Variants in ZNF559 observed in about 807,000 individuals in gnomAD.
The protein encoded by ZNF559 is putative protein product of Nbla00121.
Under a neutral mutation model 14.2 loss-of-function variants are expected in ZNF559, and 17 were observed. The ratio of observed to expected loss-of-function variants is 1.20; its 90% CI spans 0.82 to 1.80. The LOEUF (loss-of-function observed/expected upper bound fraction) is 1.80, where lower values mean the gene tolerates loss of function less well. ZNF559 is among the 40% of genes most tolerant of loss of function. The pLI, the probability that ZNF559 is intolerant of heterozygous loss-of-function variation, is 0.00. For missense variants in ZNF559, 740 were observed against 629.7 expected, an observed-to-expected ratio of 1.18 and a Z score of -1.88; for synonymous variants, 244 against 212.4, an observed-to-expected ratio of 1.15 and a Z score of -1.29.
chr19:9,342,455 C>G lies in ZNF559; in HGVS notation c.1004C>G (p.Thr335Ser). Residue 335 changes from threonine to serine, a missense_variant, in exon 7 of 7, where the codon ACT (threonine) becomes AGT (serine). Transcript: ENST00000603380. Reference sequence around the variant, plus strand: ...TGCAACAAATGTGGGAAAGCCTTCACTGATTCATCAGGTCTTATAAAACAC... The same window carrying G: ...TGCAACAAATGTGGGAAAGCCTTCAGTGATTCATCAGGTCTTATAAAACAC... ...YECNKCGKAFTDSSGLIKHRR... is the reference protein window; with the variant it reads ...YECNKCGKAFSDSSGLIKHRR... The G allele has an allele frequency of 6.2e-7, 1 of 1,613,902 alleles. No individual in the cohort carries two copies. Among genetic ancestry groups the G allele is most frequent in the Non-Finnish European group, 8.5e-7 (1 of 1,179,978 alleles).
chr19:9,340,019 C>G (rs2067470669), intron 5 of ZNF559, among the ~76,000 whole-genome samples: 1 of 145,222 alleles, frequency 6.9e-6, no homozygotes, highest in South Asian at 2.2e-4. Flanking sequence ...ATCTCTTGAC[C>G]TTGTGATCCG....
At position 9,324,764 on chromosome 19, in the gene ZNF559, A is replaced by C; in HGVS notation, c.-136A>C. On this transcript the variant is annotated 5_prime_UTR_variant, in exon 2 of 7. Transcript: ENST00000603380. ...GTCCTCCTGGCCTCAGCAACCTGAC[A>C]ATTCTGTCGTGTCCCGGTGAGCACT... 6.5e-7 allele frequency: 1 copy of C among 1,535,628 alleles called. No individual in the cohort carries two copies. The highest frequency in any genetic ancestry group is 1.4e-5 in the African/African-American group (1 of 73,002).
chr19:9,333,068 T>C (rs945447980), intron 2 of ZNF559: 6 of 152,212 alleles, frequency 3.9e-5, no homozygotes, highest in Middle Eastern at 3.2e-3. Flanking sequence ...CTCCCTAGGC[T>C]CAGGTGTTGC....
At chr19:9,331,478 C>T (rs1249578177) in intron 2 of ZNF559, among the ~76,000 whole-genome samples, 2 of 152,066 alleles carry the variant, frequency 1.3e-5, no homozygotes, top group East Asian at 3.9e-4. Flanking sequence ...AAATGATAAC[C>T]AAAGGACAGC....
intron 3 of ZNF559, 128 bp downstream of exon 3, chr19:9,337,986 C>A (rs1471364231): frequency 6.5e-7 from 1 of 1,536,100 alleles, no homozygotes; most frequent in South Asian, 1.2e-5. Context: ...GTTAGACTCA[C>A]AGGATGCTGG....
intron 5 of ZNF559, 60 bp downstream of exon 5, chr19:9,339,379 A>G: frequency 6.5e-7 from 1 of 1,540,342 alleles, no homozygotes; most frequent in Non-Finnish European, 8.8e-7. Flanking sequence ...GTCTTAAGTA[A>G]CTATGTTCTA....
chr19:9,341,614 CAG>C, intron 6 of ZNF559, 79 bp from the exon 7 acceptor site: 1 of 1,598,866 alleles, frequency 6.3e-7, no homozygotes, highest in African/African-American at 1.3e-5. Flanking sequence ...CCATGTGTAA[CAG>C]AATTCAGAGT....
In ZNF559 at chr19:9,340,733, A is replaced by ATTTTTTTTTTTT. The variant is rs201367378; in HGVS notation, c.161-364_161-353dup. Among the ~76,000 whole-genome samples, 13 of 124,654 alleles carry ATTTTTTTTTTTT rather than the reference A, an allele frequency of 1.0e-4. 1 individual carries two copies. The highest frequency in any genetic ancestry group is 9.4e-5 in the African/African-American group (3 of 31,846). 81.8% of individuals were successfully genotyped at this position (124,654 alleles called of 152,430 possible). ...AGGTGCATGCCACCTTGCCTGGCTA[A>ATTTTTTTTTTTT]TTTTTTTTTTTTTTTTGTATTTTAG... On this transcript the variant is annotated intron_variant, in intron 5 of 6. Coordinates refer to ENST00000603380, the MANE Select transcript of ZNF559 (RefSeq NM_032497.3).
intron 1 of ZNF559, 48 bp from the exon 2 acceptor site, chr19:9,324,647 A>G (rs1218618613): frequency 3.5e-6 from 4 of 1,149,022 alleles, no homozygotes; most frequent in Non-Finnish European, 4.7e-6. Flanking sequence ...TCTAATGGAA[A>G]AAAAAAAAAA....
intron 2 of ZNF559, among the ~76,000 whole-genome samples, chr19:9,332,355 G>A (rs62104839): frequency 0.021 from 3,212 of 150,052 alleles, 111 homozygotes; most frequent in African/African-American, 0.074. Flanking sequence ...ATGTGTGTGT[G>A]TATATATATA....
intron 1 of ZNF559, 193 bp downstream of exon 1, chr19:9,324,421 C>G: frequency 1.4e-6 from 2 of 1,443,450 alleles, no homozygotes; most frequent in Non-Finnish European, 1.8e-6. Context: ...CCTCAGGGGT[C>G]GAGGCGGCTG....
chr19:9,338,904 A>G (rs2067386386), intron 4 of ZNF559, among the ~76,000 whole-genome samples: 2 of 152,128 alleles, frequency 1.3e-5, no homozygotes, highest in Non-Finnish European at 2.9e-5. Context: ...GAGTGTCTAT[A>G]ATGTATTCAG....
At chr19:9,324,995 C>G (rs1185663079) in intron 2 of ZNF559, among the ~76,000 whole-genome samples, 1 of 152,206 alleles carries the variant, frequency 6.6e-6, no homozygotes, top group Non-Finnish European at 1.5e-5. Context: ...TCACCTAGAT[C>G]TCACTCTAGC....
chr19:9,329,694 C>T (rs1356685813), intron 2 of ZNF559, among the ~76,000 whole-genome samples: 1 of 152,156 alleles, frequency 6.6e-6, no homozygotes, highest in Non-Finnish European at 1.5e-5. Flanking sequence ...GACAGAGTCT[C>T]ACTCTGTTGC....
chr19:9,340,355 G>C (rs896540952), intron 5 of ZNF559, among the ~76,000 whole-genome samples: 4 of 151,918 alleles, frequency 2.6e-5, no homozygotes, highest in Admixed American at 6.6e-5. Flanking sequence ...AGGTTCCTTG[G>C]GTACCTTAAC....
chr19:9,336,909 G>A (rs2067270867), intron 2 of ZNF559, among the ~76,000 whole-genome samples: 1 of 152,188 alleles, frequency 6.6e-6, no homozygotes, highest in African/African-American at 2.4e-5. Flanking sequence ...AGTGATGGAA[G>A]CACTCACAGG....
rs745637533 is a variant in ZNF559 at position 9,342,916 on chromosome 19, G to A, written c.1465G>A (p.Gly489Ser). The A allele has an allele frequency of 3.7e-6, 6 of 1,614,180 alleles. No homozygotes were observed. The highest frequency in any genetic ancestry group is 4.2e-6 in the Non-Finnish European group (5 of 1,180,024). The change falls in exon 7 of 7, where the codon GGT (glycine) becomes AGT (serine). Residue 489 changes from glycine (G) to serine (S), a missense_variant. Transcript: ENST00000603380. Reference protein sequence around the residue: ...GLTVHMRTHTGERPFECQECG... With the variant: ...GLTVHMRTHTSERPFECQECG... ...TACAGTACACATGAGAACTCACACT[G>A]GTGAACGGCCCTTTGAATGTCAGGA...
chr19:9,336,327 C>T (rs189947890), intron 2 of ZNF559, among the ~76,000 whole-genome samples: 2 of 152,248 alleles, frequency 1.3e-5, no homozygotes, highest in East Asian at 3.9e-4. Context: ...CACAGTGGCT[C>T]ATGCTTATAA....
chr19:9,324,516 G>A (rs2066460065), intron 1 of ZNF559, 179 bp from the exon 2 acceptor site: 3 of 1,298,136 alleles, frequency 2.3e-6, no homozygotes, highest in Non-Finnish European at 2.1e-6. Flanking sequence ...CATAGGGCCC[G>A]GCGCGGCGGC....
Sources: gnomAD v4.1 joint callset for allele counts (sites outside exome capture counted in the v4.1 genomes callset) on GRCh38, gnomAD v4.1.1 for gene constraint, MANE v1.5 for transcripts, NCBI Gene and HGNC (gene_info 2026-07-23, HGNC 2026-07-21) for gene names.